GPC6: variants seen among roughly 807,000 people sequenced by gnomAD.
The protein encoded by GPC6 is glypican 6.
GPC6 carries 14 observed loss-of-function variants against 55.2 expected under a neutral mutation model. The observed-to-expected ratio is 0.25, with a 90% CI of 0.17 to 0.40. GPC6 has a LOEUF of 0.40. Ranked by LOEUF, GPC6 falls within the 10% of genes least tolerant of loss-of-function variation. The pLI is 1.00. For synonymous variants in GPC6, 278 were observed against 259.6 expected (o/e 1.07, Z -0.68); for missense variants, 641 against 708.5 (o/e 0.90, Z 1.08).
In GPC6 at chr13:93,227,204, TG is replaced by T. The variant is rs937040668; in HGVS notation, c.-248del. On this transcript the variant is annotated 5_prime_UTR_variant, in exon 1 of 9. Coordinates refer to ENST00000377047, the MANE Select transcript of GPC6 (RefSeq NM_005708.5). The surrounding 1 kb of genome is among the most constrained non-coding windows in gnomAD (Gnocchi z 4.3). ...TCGTTTTGATTGCACCGTTTCCATC[TG>T]GGGGCTAGAGGAGCAAGGCAGCAGC... 17 of 417,552 alleles carry T rather than the reference TG, an allele frequency of 4.1e-5. No homozygotes were observed. Among genetic ancestry groups the T allele is most frequent in the African/African-American group, 3.4e-4 (17 of 49,488 alleles). 25.9% of individuals were successfully genotyped at this position (417,552 alleles called of 1,614,324 possible).
chr13:93,431,700 T>C (rs527423578), intron 1 of GPC6, among the ~76,000 whole-genome samples: 1 of 152,292 alleles, frequency 6.6e-6, no homozygotes, highest in South Asian at 2.1e-4. Context: ...ATGTATATAC[T>C]AGGAGCCTGG....
intron 1 of GPC6, among the ~76,000 whole-genome samples, chr13:93,275,462 G>T (rs763408774): frequency 2.0e-5 from 3 of 152,196 alleles, no homozygotes; most frequent in Non-Finnish European, 4.4e-5. Flanking sequence ...AATGTAAGTG[G>T]GAGCACAGGA....
At chr13:93,394,818 A>G (rs982542312) in intron 1 of GPC6, among the ~76,000 whole-genome samples, 1 of 151,934 alleles carries the variant, frequency 6.6e-6, no homozygotes, top group African/African-American at 2.4e-5. Flanking sequence ...TTATTTATTT[A>G]TTTTAGAAGA....
chr13:94,322,151 C>G (rs1325029800), intron 6 of GPC6, among the ~76,000 whole-genome samples: 1 of 152,138 alleles, frequency 6.6e-6, no homozygotes, highest in South Asian at 2.1e-4. Flanking sequence ...ATACTGTTCA[C>G]GAGACTGTGA....
At chr13:93,392,673 C>T (rs1270816263) in intron 1 of GPC6, among the ~76,000 whole-genome samples, 2 of 152,152 alleles carry the variant, frequency 1.3e-5, no homozygotes, top group Non-Finnish European at 2.9e-5. Flanking sequence ...AATATATGGG[C>T]AATGTTTCCT....
At chr13:93,672,464 TG>T (rs1294526689) in intron 2 of GPC6, among the ~76,000 whole-genome samples, 3 of 151,970 alleles carry the variant, frequency 2.0e-5, no homozygotes, top group East Asian at 1.9e-4. Flanking sequence ...AGTTAAAGTA[TG>T]TTTTTTTGAT....
At chr13:93,459,325 C>T (rs760794521) in intron 1 of GPC6, among the ~76,000 whole-genome samples, 3 of 152,198 alleles carry the variant, frequency 2.0e-5, no homozygotes, top group Non-Finnish European at 1.5e-5. Flanking sequence ...CTTGACTTCC[C>T]AAAGTTCTGG....
intron 3 of GPC6, among the ~76,000 whole-genome samples, chr13:93,910,080 T>C (rs1876885869): frequency 6.6e-6 from 1 of 151,924 alleles, no homozygotes; most frequent in Non-Finnish European, 1.5e-5. Context: ...TGTGTGTGTG[T>C]CTTTGTGGCT....
chr13:93,280,589 A>G (rs1376696234), intron 1 of GPC6, among the ~76,000 whole-genome samples: 2 of 152,380 alleles, frequency 1.3e-5, no homozygotes, highest in East Asian at 3.9e-4. Flanking sequence ...GTGTTTTCAC[A>G]TTGTGCATGC....
chr13:94,027,075 T>A (rs1368215100), intron 3 of GPC6, among the ~76,000 whole-genome samples: 1 of 152,334 alleles, frequency 6.6e-6, no homozygotes, highest in East Asian at 1.9e-4. Flanking sequence ...TGAGGAGCCC[T>A]GATTTTCTGA....
At chr13:94,226,845 C>A (rs1453735176) in intron 4 of GPC6, among the ~76,000 whole-genome samples, 12 of 152,166 alleles carry the variant, frequency 7.9e-5, no homozygotes, top group Admixed American at 7.9e-4. Context: ...ACCATCCAGG[C>A]CTCCTGGAGC....
chr13:93,738,936 T>TACACACACACACACACAC (rs56928879), intron 2 of GPC6, among the ~76,000 whole-genome samples: 3 of 145,468 alleles, frequency 2.1e-5, no homozygotes, highest in African/African-American at 7.7e-5. Context: ...CACTTGGTTT[T>TACACACACACACACACAC]ACACACACAC....
chr13:94,160,758 CATGTATAT>C (rs1451143062), intron 4 of GPC6, among the ~76,000 whole-genome samples: 2 of 152,142 alleles, frequency 1.3e-5, no homozygotes, highest in East Asian at 3.9e-4. Flanking sequence ...TCGTTTCGTT[CATGTATAT>C]ATGGGACTCA....
chr13:93,591,644 T>A (rs1877493141), intron 2 of GPC6, among the ~76,000 whole-genome samples: 1 of 152,178 alleles, frequency 6.6e-6, no homozygotes, highest in Admixed American at 6.5e-5. Flanking sequence ...TCAGAATTTG[T>A]TTATAATCTT....
At chr13:93,303,537 C>T (rs774107040) in intron 1 of GPC6, among the ~76,000 whole-genome samples, 1 of 151,940 alleles carries the variant, frequency 6.6e-6, no homozygotes. Flanking sequence ...CAGCATAAAC[C>T]CCAGGTGATA....
chr13:93,706,721 C>A (rs567484827), intron 2 of GPC6, among the ~76,000 whole-genome samples: 1 of 151,814 alleles, frequency 6.6e-6, no homozygotes, highest in South Asian at 2.1e-4. Flanking sequence ...TTCATCCATT[C>A]AATAGTTTAA....
intron 4 of GPC6, among the ~76,000 whole-genome samples, chr13:94,241,795 C>A (rs1218282720): frequency 6.6e-6 from 1 of 152,058 alleles, no homozygotes; most frequent in Non-Finnish European, 1.5e-5. Context: ...TATCTCTACC[C>A]CTAAATGTGA....
chr13:94,341,413 T>C (rs1594187335), intron 6 of GPC6, among the ~76,000 whole-genome samples: 3 of 151,990 alleles, frequency 2.0e-5, no homozygotes, highest in African/African-American at 4.8e-5. Context: ...GGTGAAACCC[T>C]GTCTCTACTA....
intron 1 of GPC6, among the ~76,000 whole-genome samples, chr13:93,393,633 TCTCTCTC>T (rs1566333702): frequency 6.6e-5 from 10 of 151,040 alleles, no homozygotes; most frequent in Non-Finnish European, 4.4e-5. Flanking sequence ...AGACCTGTTC[TCTCTCTC>T]TCTCTCTCTC....
Sources: gnomAD v4.1 joint callset for allele counts (sites outside exome capture counted in the v4.1 genomes callset) on GRCh38, gnomAD v4.1.1 for gene constraint, Gnocchi (gnomAD v3.1) non-coding constraint, MANE v1.5 for transcripts, NCBI Gene and HGNC (gene_info 2026-07-23, HGNC 2026-07-21) for gene names.